The following CACNB2 variants were observed in gnomAD, a reference collection of about 807,000 sequenced individuals.
The protein encoded by CACNB2 is calcium voltage-gated channel auxiliary subunit beta 2.
CACNB2 carries 42 observed loss-of-function variants against 73.3 expected under a neutral mutation model. The ratio of observed to expected loss-of-function variants is 0.57; its 90% CI spans 0.45 to 0.74. The LOEUF (loss-of-function observed/expected upper bound fraction) is 0.74. CACNB2 is among the 30% of genes least tolerant of loss of function. CACNB2 has a pLI of 0.00. For missense variants in CACNB2, 940 were observed against 853.0 expected (o/e 1.10, Z -1.27); for synonymous variants, 348 against 310.3 (o/e 1.12, Z -1.28).
intron 3 of CACNB2, among the ~76,000 whole-genome samples, chr10:18,454,714 A>G (rs181941215): frequency 1.2e-4 from 19 of 152,314 alleles, no homozygotes; most frequent in Middle Eastern, 6.8e-3. Context: ...TTTCTTTCCA[A>G]TGGAGGAGAC....
chr10:18,286,555 A>G (rs1287854587), intron 2 of CACNB2, among the ~76,000 whole-genome samples: 1 of 147,024 alleles, frequency 6.8e-6, no homozygotes, highest in Non-Finnish European at 1.5e-5. Context: ...AAAAAAAGGA[A>G]CATTACTTAT....
At chr10:18,457,584 T>C (rs2047348463) in intron 3 of CACNB2, among the ~76,000 whole-genome samples, 1 of 151,972 alleles carries the variant, frequency 6.6e-6, no homozygotes, top group African/African-American at 2.4e-5. Flanking sequence ...ATTAACTTTT[T>C]AGAGTAAAAG....
At chr10:18,436,272 T>A (rs770014718) in intron 3 of CACNB2, among the ~76,000 whole-genome samples, 1 of 152,230 alleles carries the variant, frequency 6.6e-6, no homozygotes, top group Non-Finnish European at 1.5e-5. Flanking sequence ...TCTGTTTCAT[T>A]TCAACTTTGA....
intron 2 of CACNB2, among the ~76,000 whole-genome samples, chr10:18,181,189 C>G (rs2131211369): frequency 6.6e-6 from 1 of 152,112 alleles, no homozygotes; most frequent in South Asian, 2.1e-4. Context: ...AACTGTGCAT[C>G]TGAGTACATG....
At chr10:18,239,780 GTTC>G (rs1458000384) in intron 2 of CACNB2, among the ~76,000 whole-genome samples, 3 of 152,088 alleles carry the variant, frequency 2.0e-5, no homozygotes, top group Non-Finnish European at 4.4e-5. Flanking sequence ...ATGGATCTTA[GTTC>G]TTCTAGATTT....
chr10:18,274,932 C>G (rs1277777822), intron 2 of CACNB2, among the ~76,000 whole-genome samples: 1 of 152,026 alleles, frequency 6.6e-6, no homozygotes, highest in Admixed American at 6.6e-5. Flanking sequence ...TTCCAATGAA[C>G]TTAACTCTTG....
chr10:18,247,081 G>C (rs1035414746), intron 2 of CACNB2, among the ~76,000 whole-genome samples: 2 of 152,132 alleles, frequency 1.3e-5, no homozygotes, highest in African/African-American at 4.8e-5. Context: ...CCCAGAGACT[G>C]CCACCCTACT....
chr10:18,205,426 G>C (rs1412658693), intron 2 of CACNB2, among the ~76,000 whole-genome samples: 1 of 152,178 alleles, frequency 6.6e-6, no homozygotes, highest in African/African-American at 2.4e-5. Context: ...CATAGAGGAT[G>C]CGCATGACTA....
intron 2 of CACNB2, among the ~76,000 whole-genome samples, chr10:18,164,740 G>A (rs780274785): frequency 1.3e-5 from 2 of 151,930 alleles, no homozygotes; most frequent in Admixed American, 6.6e-5. Context: ...TTTACTCAAA[G>A]CAGAAGAATA....
intron 2 of CACNB2, among the ~76,000 whole-genome samples, chr10:18,312,977 G>A (rs2040017998): frequency 6.6e-6 from 1 of 152,058 alleles, no homozygotes; most frequent in Non-Finnish European, 1.5e-5. Context: ...GTTTTTCTGT[G>A]CTAATAATAG....
chr10:18,518,187 G>T, intron 7 of CACNB2, 149 bp from the exon 8 acceptor site: 2 of 710,228 alleles, frequency 2.8e-6, no homozygotes, highest in Non-Finnish European at 2.6e-6. Flanking sequence ...CTTTGACTGG[G>T]TTTATGTAGA....
chr10:18,212,678 G>A (rs1247103206), intron 2 of CACNB2, among the ~76,000 whole-genome samples: 1 of 152,072 alleles, frequency 6.6e-6, no homozygotes, highest in Non-Finnish European at 1.5e-5. Context: ...AATTATTCCA[G>A]GGTCGTTTAT....
At chr10:18,313,545 A>C (rs750507417) in intron 2 of CACNB2, among the ~76,000 whole-genome samples, 1 of 151,924 alleles carries the variant, frequency 6.6e-6, no homozygotes, top group Non-Finnish European at 1.5e-5. Flanking sequence ...CTATCTTTGG[A>C]GCTTTCTATC....
At chr10:18,273,865 C>T (rs570618893) in intron 2 of CACNB2, among the ~76,000 whole-genome samples, 7 of 152,292 alleles carry the variant, frequency 4.6e-5, no homozygotes, top group African/African-American at 1.2e-4. Context: ...ACCACATACT[C>T]TTTCATTCCT....
chr10:18,236,475 A>T (rs2036450639), intron 2 of CACNB2, among the ~76,000 whole-genome samples: 1 of 152,208 alleles, frequency 6.6e-6, no homozygotes, highest in Non-Finnish European at 1.5e-5. Flanking sequence ...CATGTCTTGG[A>T]CAATCTTATC....
chr10:18,205,172 T>C (rs1366253748), intron 2 of CACNB2, among the ~76,000 whole-genome samples: 1 of 152,216 alleles, frequency 6.6e-6, no homozygotes, highest in South Asian at 2.1e-4. Context: ...GACAGTTATC[T>C]GTCCAGTGGT....
At chr10:18,238,516 T>C (rs527437145) in intron 2 of CACNB2, 1 of 152,208 alleles carries the variant, frequency 6.6e-6, no homozygotes, top group Non-Finnish European at 1.5e-5. Context: ...CCATCCAATG[T>C]GAACCTAAAA....
intron 3 of CACNB2, among the ~76,000 whole-genome samples, chr10:18,458,176 A>G (rs931388568): frequency 3.3e-5 from 5 of 152,228 alleles, no homozygotes; most frequent in African/African-American, 1.2e-4. Flanking sequence ...CTTGTTTGAA[A>G]CTAAGTAATA....
intron 6 of CACNB2, among the ~76,000 whole-genome samples, chr10:18,506,988 G>A (rs1437697290): frequency 2.6e-5 from 4 of 152,038 alleles, no homozygotes; most frequent in Non-Finnish European, 4.4e-5. Context: ...TTGTAGAGAT[G>A]GAGTTTCACC....
Sources: allele counts gnomAD v4.1 joint callset (sites outside exome capture counted in the v4.1 genomes callset), GRCh38; gene constraint gnomAD v4.1.1; transcripts MANE v1.5; gene names NCBI Gene and HGNC (gene_info 2026-07-23, HGNC 2026-07-21).